The following ITSN2 variants were observed in gnomAD, a reference collection of about 807,000 sequenced individuals.
ITSN2 encodes the protein intersectin-2.
ITSN2 carries 156 observed loss-of-function variants against 243.7 expected under a neutral mutation model. The observed-to-expected ratio is 0.64, with a 90% CI of 0.56 to 0.73. The LOEUF is 0.73. Ranked by LOEUF, ITSN2 falls within the 30% of genes least tolerant of loss-of-function variation. The pLI, the probability that ITSN2 is intolerant of heterozygous loss-of-function variation, is 0.00. For missense variants in ITSN2, 1,801 were observed against 1,996.1 expected (o/e 0.90, Z 1.86); for synonymous variants, 703 against 699.9 (o/e 1.00, Z -0.07).
intron 2 of ITSN2, among the ~76,000 whole-genome samples, chr2:24,327,350 T>C (rs1685264954): frequency 6.6e-6 from 1 of 151,884 alleles, no homozygotes; most frequent in African/African-American, 2.4e-5. Flanking sequence ...GGCTGGAGTG[T>C]AGTGGCCCTA....
At chr2:24,303,557 A>G (rs1682068766) in intron 9 of ITSN2, among the ~76,000 whole-genome samples, 1 of 152,250 alleles carries the variant, frequency 6.6e-6, no homozygotes, top group Non-Finnish European at 1.5e-5. Flanking sequence ...GTATGCCAAG[A>G]TTAATCTATT....
intron 2 of ITSN2, among the ~76,000 whole-genome samples, chr2:24,324,288 A>T (rs908628543): frequency 6.6e-6 from 1 of 152,138 alleles, no homozygotes; most frequent in Non-Finnish European, 1.5e-5. Context: ...CTGCTCTAAC[A>T]TACATGGGTA....
chr2:24,278,645 CTTTTTTTTTTTTT>C (rs908928502), intron 17 of ITSN2, among the ~76,000 whole-genome samples: 2 of 103,008 alleles, frequency 1.9e-5, no homozygotes, highest in African/African-American at 4.2e-5. Context: ...TGTTCTCAAT[CTTTTTTTTTTTTT>C]TTTTTTTTTT....
intron 1 of ITSN2, among the ~76,000 whole-genome samples, chr2:24,337,211 GA>G (rs1686476639): frequency 1.4e-5 from 2 of 147,392 alleles, no homozygotes; most frequent in Non-Finnish European, 3.0e-5. Context: ...TAAATTTGAC[GA>G]ATGGTCTGAC....
Position 24,275,710 on chromosome 2 carries a change from T to C in ITSN2, c.2081+3A>G. The stretch of plus-strand genomic sequence containing the variant: ...AGCACAATAAATATATCAGCTATAT[T>C]ACCTTGCAGCCTCATCTTCTAGTTT... On this transcript the variant is annotated splice_donor_region_variant and intron_variant, in intron 18 of 39. Coordinates refer to ENST00000355123, the MANE Select transcript of ITSN2 (RefSeq NM_006277.3). 6.2e-7 allele frequency: 1 copy of C among 1,605,316 alleles called. No homozygotes were observed. Among genetic ancestry groups the C allele is most frequent in the South Asian group, 1.1e-5 (1 of 90,180 alleles).
Position 24,246,221 on chromosome 2 carries a change from G to A in ITSN2, c.3485C>T (p.Pro1162Leu). ...QLINVMNKDD[P>L]DWWQGEINGV... ...GTTGATCTCTCCTTGCCACCAATCA[G>A]GATCATCTTTGTTCATAACATTAAT... Residue 1162 changes from proline (P) to leucine (L), a missense_variant, in exon 29 of 40, where the codon CCT becomes CTT. Around this residue, in one of 5 missense-constraint regions of ITSN2, gnomAD observed 928 missense variants for 1,065.4 expected, o/e 0.87. Transcript: ENST00000355123. 1 of 1,613,160 alleles carries A rather than the reference G, an allele frequency of 6.2e-7. No individual in the cohort carries two copies. Among genetic ancestry groups the A allele is most frequent in the Non-Finnish European group, 8.5e-7 (1 of 1,179,248 alleles).
chr2:24,286,161 T>G (rs766010076), intron 16 of ITSN2, 51 bp downstream of exon 16: 1 of 1,064,812 alleles, frequency 9.4e-7, no homozygotes, highest in Non-Finnish European at 1.4e-6. Context: ...ATCAAAATAA[T>G]GAAGGTAAGA....
At chr2:24,304,744 T>C (rs374960284) in intron 8 of ITSN2, among the ~76,000 whole-genome samples, 11 of 152,088 alleles carry the variant, frequency 7.2e-5, no homozygotes, top group African/African-American at 2.7e-4. Flanking sequence ...TCCCTTAGCA[T>C]CAGGCAATAG....
rs1558556084 is a variant in ITSN2, at chr2:24,286,822, T to C, written c.1724-471A>G. On this transcript the variant is annotated intron_variant, in intron 15 of 39. Coordinates refer to ENST00000355123, the MANE Select transcript of ITSN2 (RefSeq NM_006277.3). The stretch of plus-strand genomic sequence containing the variant: ...TTCACAGCAAAGATTCAGTAAGTAT[T>C]ACTAACTGGATTATTTAGTAACATT... Among the ~76,000 whole-genome samples, 4 of 152,316 alleles carry C rather than the reference T, an allele frequency of 2.6e-5. No homozygotes were observed. The South Asian group carries it at 8.3e-4, about 32-fold the overall frequency.
At position 24,248,614 on chromosome 2, in the gene ITSN2, T is replaced by C. The variant is rs1242561001; in HGVS notation, c.3288+15A>G. 6.3e-7 allele frequency: 1 copy of C among 1,576,782 alleles called. No individual in the cohort carries two copies. The highest frequency in any genetic ancestry group is 8.6e-7 in the Non-Finnish European group (1 of 1,162,050). ...TTTATAATAAAATTTATAGATGCTA[T>C]TTAAAGAATATTACCTGTAACTCTC... is the stretch of plus-strand genomic sequence containing the variant. On this transcript the variant is annotated intron_variant, in intron 27 of 39. Coordinates refer to ENST00000355123, the MANE Select transcript of ITSN2 (RefSeq NM_006277.3).
chr2:24,210,614 CAAA>C (rs950984341), intron 34 of ITSN2, among the ~76,000 whole-genome samples, 163 bp downstream of exon 34: 4 of 53,986 alleles, frequency 7.4e-5, no homozygotes, highest in African/African-American at 1.7e-4. Context: ...GACTCCGTCT[CAAA>C]AAAAAAAAAA....
In ITSN2 at chr2:24,246,203, T is replaced by C. The variant is rs1397423491; in HGVS notation, c.3503A>G (p.Glu1168Gly). The C allele has an allele frequency of 1.2e-6, 2 of 1,613,600 alleles. No individual in the cohort carries two copies. The highest frequency in any genetic ancestry group is 3.3e-5 in the Admixed American group (2 of 59,980). Residue 1168 changes from glutamate (E) to glycine (G), a missense_variant, in exon 29 of 40, where the codon GAG (glutamate) becomes GGG (glycine). Transcript: ENST00000355123. ...NKDDPDWWQG[E>G]INGVTGLFPS... is the part of the protein sequence containing the mutation. Reference sequence around the variant, plus strand: ...AAAGAGACCAGTCACCCCGTTGATCTCTCCTTGCCACCAATCAGGATCATC... The same window carrying C: ...AAAGAGACCAGTCACCCCGTTGATCCCTCCTTGCCACCAATCAGGATCATC...
At chr2:24,260,444 G>A (rs1169669440) in intron 22 of ITSN2, among the ~76,000 whole-genome samples, 3 of 144,150 alleles carry the variant, frequency 2.1e-5, no homozygotes, top group African/African-American at 5.1e-5. Flanking sequence ...AAGTTCTAAC[G>A]TTCCCAAATA....
chr2:24,312,752 C>T (rs1683409135), intron 4 of ITSN2, among the ~76,000 whole-genome samples: 1 of 151,948 alleles, frequency 6.6e-6, no homozygotes, highest in Non-Finnish European at 1.5e-5. Flanking sequence ...TGAGAATATT[C>T]CAAGTGGAAA....
intron 30 of ITSN2, 33 bp downstream of exon 30, chr2:24,220,912 A>G (rs1237170725): frequency 1.9e-6 from 3 of 1,567,938 alleles, no homozygotes; most frequent in Admixed American, 2.0e-5. Context: ...GACAGCAGAT[A>G]CCCCGAGAGC....
At chr2:24,218,387 G>C (rs570083676) in intron 30 of ITSN2, among the ~76,000 whole-genome samples, 1 of 152,334 alleles carries the variant, frequency 6.6e-6, no homozygotes, top group Admixed American at 6.5e-5. Context: ...GAGCATCGTA[G>C]AGTTCTAGAC....
chr2:24,208,316 G>T lies in ITSN2; in HGVS notation c.4599C>A (p.Thr1533=). 1 of 1,611,638 alleles carries T rather than the reference G, an allele frequency of 6.2e-7. No individual in the cohort carries two copies. Among genetic ancestry groups the T allele is most frequent in the South Asian group, 1.1e-5 (1 of 91,068 alleles). The stretch of plus-strand genomic sequence containing the variant: ...CCGCCTTGATCTTCTGCACCCAGGC[G>T]GTCCTACGGGAGAAGCAGGGGCAGC... The part of the protein sequence containing the change: ...TLRTDNINER[T]AWVQKIKAAS... Residue 1533 remains threonine, a synonymous_variant, in exon 37 of 40, where the codon ACC becomes ACA. Coordinates refer to ENST00000355123, the MANE Select transcript of ITSN2 (RefSeq NM_006277.3).
intron 15 of ITSN2, among the ~76,000 whole-genome samples, chr2:24,290,130 A>C (rs1342064804): frequency 6.6e-6 from 1 of 152,200 alleles, no homozygotes; most frequent in African/African-American, 2.4e-5. Flanking sequence ...TTAAATTCTG[A>C]CAGAAATTGC....
chr2:24,300,655 G>GAATCGC (rs1450497440), intron 11 of ITSN2, among the ~76,000 whole-genome samples: 4 of 151,802 alleles, frequency 2.6e-5, no homozygotes, highest in Non-Finnish European at 5.9e-5. Context: ...GGAGGCGGAA[G>GAATCGC]TTGCAGTGAG....
Sources: gnomAD v4.1 joint callset for allele counts (sites outside exome capture counted in the v4.1 genomes callset) on GRCh38, gnomAD v4.1.1 for gene constraint, gnomAD v4.1.1 regional missense constraint, MANE v1.5 for transcripts, NCBI Gene and HGNC (gene_info 2026-07-23, HGNC 2026-07-21) for gene names.